OPCML: variants seen among roughly 807,000 people sequenced by gnomAD.
OPCML encodes opioid-binding protein/cell adhesion molecule.
Under a neutral mutation model 37.8 loss-of-function variants are expected in OPCML, and 13 were observed. The observed-to-expected ratio is 0.34, with a 90% confidence interval of 0.22 to 0.55. OPCML has a LOEUF of 0.55. Among genes scored for constraint, OPCML ranks in the 20% least tolerant of loss-of-function variants. The pLI, the probability that OPCML is intolerant of heterozygous loss-of-function variation, is 0.91. For missense variants in OPCML, 341 were observed against 435.6 expected, an observed-to-expected ratio of 0.78 and a Z score of 1.93; for synonymous variants, 176 against 168.8, an observed-to-expected ratio of 1.04 and a Z score of -0.33.
At chr11:133,502,115 C>T (rs924430742) in intron 1 of OPCML, among the ~76,000 whole-genome samples, 6 of 152,254 alleles carry the variant, frequency 3.9e-5, no homozygotes, top group Middle Eastern at 6.8e-3. Flanking sequence ...TTGGCAGAAG[C>T]GTGGCAGAAA....
chr11:133,102,835 T>C (rs1314919574), intron 1 of OPCML, among the ~76,000 whole-genome samples: 1 of 152,208 alleles, frequency 6.6e-6, no homozygotes, highest in African/African-American at 2.4e-5. Flanking sequence ...CAAAATTGTA[T>C]GTCTGTGTTG....
At chr11:132,654,920 C>T (rs953660940) in intron 3 of OPCML, among the ~76,000 whole-genome samples, 9 of 150,156 alleles carry the variant, frequency 6.0e-5, no homozygotes, top group Non-Finnish European at 7.4e-5. Flanking sequence ...GCCTGGAATG[C>T]GGAGACTGAG....
At chr11:133,198,022 C>A (rs765087057) in intron 1 of OPCML, among the ~76,000 whole-genome samples, 5 of 152,152 alleles carry the variant, frequency 3.3e-5, no homozygotes, top group African/African-American at 4.8e-5. Context: ...TCAAGGTACT[C>A]CTTCCCCTGT....
At chr11:132,793,876 C>A (rs1265780967) in intron 2 of OPCML, among the ~76,000 whole-genome samples, 1 of 152,146 alleles carries the variant, frequency 6.6e-6, no homozygotes, top group Non-Finnish European at 1.5e-5. Context: ...CTACCTCCTG[C>A]AACCTATGCA....
At chr11:132,591,901 G>A (rs2096485041) in intron 3 of OPCML, among the ~76,000 whole-genome samples, 1 of 152,186 alleles carries the variant, frequency 6.6e-6, no homozygotes, top group South Asian at 2.1e-4. Context: ...ATACTATATA[G>A]TGGGGATAAA....
rs374167869 is a variant in OPCML, at chr11:133,245,475, C to T, written c.61+286789G>A. ...GAAGCCATCTGGGAACTGCTTTTGC[C>T]GTTGTTGTAGAATGAAACCTCATGA... On this transcript the variant is annotated intron_variant, in intron 1 of 7. Coordinates refer to ENST00000524381, the MANE Select transcript of OPCML (RefSeq NM_001012393.5). Among the ~76,000 whole-genome samples the T allele has an allele frequency of 1.4e-3, 218 of 152,208 alleles. 5 individuals are homozygous for T. The highest frequency in any genetic ancestry group is 0.01 in the Middle Eastern group (3 of 294).
Position 133,432,930 on chromosome 11 carries a change from T to TA in OPCML, c.61+99333dup, listed in dbSNP as rs1487261125. On this transcript the variant is annotated intron_variant, in intron 1 of 7. Transcript: ENST00000524381. Reference sequence around the variant, plus strand: ...AATTTCTTTTGCTTTGGGGATACTATAAAAAAATCATTCAGGCACTAACCC... The same window carrying TA: ...AATTTCTTTTGCTTTGGGGATACTATAAAAAAAATCATTCAGGCACTAACCC... 2.0e-5 allele frequency among the ~76,000 whole-genome samples: 3 copies of TA among 152,106 alleles called. No individual in the cohort carries two copies. The East Asian group carries it at 5.8e-4, about 29-fold the overall frequency.
chr11:133,089,917 G>A (rs772112718), intron 1 of OPCML, among the ~76,000 whole-genome samples: 1 of 152,150 alleles, frequency 6.6e-6, no homozygotes, highest in Non-Finnish European at 1.5e-5. Flanking sequence ...CTAGGTGTTG[G>A]GAATAAAATG....
At chr11:132,656,435 T>G (rs1204640843) in intron 3 of OPCML, among the ~76,000 whole-genome samples, 1 of 152,232 alleles carries the variant, frequency 6.6e-6, no homozygotes, top group African/African-American at 2.4e-5. Flanking sequence ...TTCAAGTTTT[T>G]AAAGGAGAAT....
At chr11:132,832,801 T>C (rs1160769663) in intron 2 of OPCML, among the ~76,000 whole-genome samples, 1 of 152,242 alleles carries the variant, frequency 6.6e-6, no homozygotes, top group Non-Finnish European at 1.5e-5. Context: ...CTGTCACTCC[T>C]AGGCTACAAG....
intron 3 of OPCML, among the ~76,000 whole-genome samples, chr11:132,637,541 A>G (rs1321447131): frequency 2.0e-5 from 3 of 152,174 alleles, no homozygotes; most frequent in African/African-American, 7.2e-5. Flanking sequence ...GCTGCCAGCT[A>G]TCTTTGATGC....
intron 1 of OPCML, among the ~76,000 whole-genome samples, chr11:133,252,822 A>G (rs1056204894): frequency 1.3e-5 from 2 of 152,158 alleles, no homozygotes; most frequent in African/African-American, 4.8e-5. Context: ...AAAGAAACCC[A>G]GATTATGTGA....
intron 2 of OPCML, among the ~76,000 whole-genome samples, chr11:132,716,371 T>C (rs1035252465): frequency 1.3e-4 from 20 of 151,076 alleles, no homozygotes; most frequent in African/African-American, 4.9e-4. Context: ...ATCTGTTGTC[T>C]GTCTGTCTAT....
At chr11:133,481,670 C>T (rs1947374865) in intron 1 of OPCML, among the ~76,000 whole-genome samples, 1 of 152,012 alleles carries the variant, frequency 6.6e-6, no homozygotes, top group East Asian at 1.9e-4. Context: ...GGTGCTATAT[C>T]AGAGGTCTGT....
At chr11:133,124,650 A>G (rs1166892625) in intron 1 of OPCML, among the ~76,000 whole-genome samples, 3 of 152,184 alleles carry the variant, frequency 2.0e-5, no homozygotes, top group Non-Finnish European at 2.9e-5. Flanking sequence ...CTGAGCTGTT[A>G]TCTTCAGGCC....
intron 2 of OPCML, among the ~76,000 whole-genome samples, chr11:132,819,740 C>G (rs11223224): frequency 0.47 from 71,969 of 151,964 alleles, 17,345 homozygotes; most frequent in East Asian, 0.6. Flanking sequence ...CTTTTCTTCT[C>G]TCAATTATCT....
At chr11:133,013,794 T>C (rs1947266039) in intron 1 of OPCML, among the ~76,000 whole-genome samples, 1 of 152,158 alleles carries the variant, frequency 6.6e-6, no homozygotes, top group Non-Finnish European at 1.5e-5. Context: ...CTAGGGCCAG[T>C]GTCAGAGAAG....
intron 2 of OPCML, among the ~76,000 whole-genome samples, chr11:132,706,143 T>C (rs567567637): frequency 1.3e-5 from 2 of 152,254 alleles, no homozygotes; most frequent in African/African-American, 4.8e-5. Context: ...AACGACCTAA[T>C]ACAAGGGGGA....
intron 1 of OPCML, among the ~76,000 whole-genome samples, chr11:133,394,769 A>T (rs943620239): frequency 1.2e-4 from 18 of 152,204 alleles, no homozygotes; most frequent in African/African-American, 4.1e-4. Context: ...TTCTTCATTC[A>T]TCTGTTGATG....
Sources: gnomAD v4.1 joint callset for allele counts (sites outside exome capture counted in the v4.1 genomes callset) on GRCh38, gnomAD v4.1.1 for gene constraint, MANE v1.5 for transcripts, NCBI Gene and HGNC (gene_info 2026-07-23, HGNC 2026-07-21) for gene names.